FBXO34: variants seen among roughly 807,000 people sequenced by gnomAD.
FBXO34 encodes F-box protein 34, also known as F-box only protein 34.
In FBXO34, 12 loss-of-function variants were observed where a neutral mutation model predicts 24.5. That is an observed-to-expected ratio of 0.49 (90% confidence interval 0.31 to 0.79). The LOEUF is 0.79. FBXO34 is among the 30% of genes least tolerant of loss of function. The pLI is 0.04. For synonymous variants in FBXO34, 320 were observed against 311.9 expected, an observed-to-expected ratio of 1.03 and a Z score of -0.27; for missense variants, 823 against 857.7, an observed-to-expected ratio of 0.96 and a Z score of 0.51.
rs376527960 is a variant in FBXO34 at position 55,279,210 on chromosome 14, C to T, written c.-11+7673C>T. The stretch of plus-strand genomic sequence containing the variant: ...GCTGAGGCAGAGAATTGCTTGAACC[C>T]GGGAGACGGAGGCTGCAGTGAGCTG... On this transcript the variant is annotated intron_variant, in intron 1 of 1. Coordinates refer to ENST00000313833, the MANE Select transcript of FBXO34 (RefSeq NM_017943.4). 1.7e-4 allele frequency among the ~76,000 whole-genome samples: 26 copies of T among 150,498 alleles called. No homozygotes were observed. In the East Asian group the frequency reaches 3.1e-3, roughly 18 times the overall value.
chr14:55,433,777 G>A, the FBXO34 span: 1 of 1,508,978 alleles, frequency 6.6e-7, no homozygotes, highest in South Asian at 1.2e-5. Context: ...CATTATCCCA[G>A]TTGAAAAAGC....
In FBXO34 at chr14:55,351,634, C is replaced by G; in HGVS notation, c.1244C>G (p.Pro415Arg). 2 of 1,614,134 alleles carry G rather than the reference C, an allele frequency of 1.2e-6. No homozygotes were observed. The highest frequency in any genetic ancestry group is 1.7e-6 in the Non-Finnish European group (2 of 1,180,024). The change falls in exon 2 of 2, where the codon CCT becomes CGT. Residue 415 changes from proline to arginine, a missense_variant. Physicochemically the swap from Pro to Arg is moderately radical, Grantham distance 103. Transcript: ENST00000313833. ...VEMTDELVGL[P>R]FSSHTYSQAS... The stretch of plus-strand genomic sequence containing the variant: ...ATGACAGATGAACTCGTTGGGTTAC[C>G]TTTTTCCTCTCATACCTATTCCCAA...
At chr14:55,286,446 G>A (rs777533461) in intron 1 of FBXO34, among the ~76,000 whole-genome samples, 4 of 152,068 alleles carry the variant, frequency 2.6e-5, no homozygotes, top group Non-Finnish European at 5.9e-5. Flanking sequence ...TTATTTCCTT[G>A]TGCATTGTAT....
At chr14:55,438,029 G>A in the FBXO34 span, among the ~76,000 whole-genome samples, 1 of 152,158 alleles carries the variant, frequency 6.6e-6, no homozygotes, top group African/African-American at 2.4e-5. Context: ...AAAATTCATG[G>A]ACTTTATTAT....
chr14:55,323,248 T>TTTTTTTA (rs1480368099), intron 1 of FBXO34, among the ~76,000 whole-genome samples: 2 of 87,784 alleles, frequency 2.3e-5, no homozygotes, highest in African/African-American at 7.5e-5. Context: ...TTTTTTTTTT[T>TTTTTTTA]AGAGACAGAG....
At chr14:55,277,041 G>A (rs1357316501) in intron 1 of FBXO34, among the ~76,000 whole-genome samples, 7 of 152,314 alleles carry the variant, frequency 4.6e-5, no homozygotes, top group Non-Finnish European at 1.0e-4. Context: ...CAAATCTTAT[G>A]TATACCATTC....
At chr14:55,287,462 A>G (rs1256069800) in intron 1 of FBXO34, among the ~76,000 whole-genome samples, 2 of 152,234 alleles carry the variant, frequency 1.3e-5, no homozygotes, top group East Asian at 3.8e-4. Context: ...AGTAAAAAGT[A>G]TGACATACCA....
chr14:55,386,000 T>C, the FBXO34 span: 1 of 1,614,196 alleles, frequency 6.2e-7, no homozygotes, highest in South Asian at 1.1e-5. Flanking sequence ...AAGTTTGCGA[T>C]TATGCCTCTG....
chr14:55,330,239 T>C (rs558972781), intron 1 of FBXO34, among the ~76,000 whole-genome samples: 1 of 152,188 alleles, frequency 6.6e-6, no homozygotes, highest in Non-Finnish European at 1.5e-5. Context: ...TTTTTTTGTC[T>C]CCGTAAGTGT....
rs1491370677 is a variant in FBXO34 at position 55,323,226 on chromosome 14, T to TATATATATATATA, written c.-10-27155_-10-27154insATATATATATATA. Among the ~76,000 whole-genome samples the TATATATATATATA allele has an allele frequency of 2.9e-4, 6 of 20,530 alleles. 1 individual carries two copies. The African/African-American group carries it at 4.3e-3, about 15-fold the overall frequency. 13.5% of individuals were successfully genotyped at this position (20,530 alleles called of 152,430 possible). ...AAAAAAAAAAAAAAAAAAATATATATTTTTTTTTTTTTTTTTTTTTTTAGA... is the reference window on the plus strand; with the variant it reads ...AAAAAAAAAAAAAAAAAAATATATATATATATATATATATTTTTTTTTTTTTTTTTTTTTTAGA... On this transcript the variant is annotated intron_variant, in intron 1 of 1. Transcript: ENST00000313833.
the FBXO34 span, among the ~76,000 whole-genome samples, chr14:55,424,826 G>A: frequency 6.6e-6 from 1 of 152,106 alleles, no homozygotes; most frequent in Non-Finnish European, 1.5e-5. Flanking sequence ...CTAAATATAA[G>A]CTGGCCACTC....
At chr14:55,428,561 G>A in the FBXO34 span, among the ~76,000 whole-genome samples, 1 of 152,138 alleles carries the variant, frequency 6.6e-6, no homozygotes, top group East Asian at 1.9e-4. Flanking sequence ...CCCAGCCAGA[G>A]ATGTGTGCTT....
intron 1 of FBXO34, among the ~76,000 whole-genome samples, chr14:55,283,457 C>G (rs1482821066): frequency 6.7e-6 from 1 of 148,488 alleles, no homozygotes; most frequent in Non-Finnish European, 1.5e-5. Flanking sequence ...AGAATTTATT[C>G]TTTTTTTCTT....
At chr14:55,389,301 G>C in the FBXO34 span, among the ~76,000 whole-genome samples, 5 of 152,346 alleles carry the variant, frequency 3.3e-5, no homozygotes, top group African/African-American at 1.2e-4. Flanking sequence ...GTAAGACGGG[G>C]AGAGCATGAA....
chr14:55,382,617 C>CA, the FBXO34 span, among the ~76,000 whole-genome samples: 2 of 152,138 alleles, frequency 1.3e-5, no homozygotes, highest in Non-Finnish European at 2.9e-5. Context: ...AGCCAAAGTG[C>CA]AAATATTTCA....
chr14:55,428,154 G>C, the FBXO34 span, among the ~76,000 whole-genome samples: 1 of 43,392 alleles, frequency 2.3e-5, no homozygotes, highest in Non-Finnish European at 5.6e-5. Context: ...TTTTGAGACG[G>C]AGTCTCGCTC....
rs532639533 is a variant in FBXO34 at position 55,289,692 on chromosome 14, C to T, written c.-11+18155C>T. On this transcript the variant is annotated intron_variant, in intron 1 of 1. Transcript: ENST00000313833. Reference sequence around the variant, plus strand: ...TTGGGAATACAGGCATGCACCACTACGTCCAGCTAGTTTTATTTATTTATT... The same window carrying T: ...TTGGGAATACAGGCATGCACCACTATGTCCAGCTAGTTTTATTTATTTATT... Among the ~76,000 whole-genome samples, 6 of 152,184 alleles carry T rather than the reference C, an allele frequency of 3.9e-5. No individual in the cohort carries two copies. The South Asian group carries it at 1.0e-3, about 26-fold the overall frequency.
At chr14:55,325,034 A>G (rs2140033335) in intron 1 of FBXO34, among the ~76,000 whole-genome samples, 1 of 152,304 alleles carries the variant, frequency 6.6e-6, no homozygotes. Flanking sequence ...CTTATGACCC[A>G]GTTGTCTCCC....
the FBXO34 span, among the ~76,000 whole-genome samples, chr14:55,384,806 G>A: frequency 2.0e-5 from 3 of 152,236 alleles, no homozygotes; most frequent in Admixed American, 6.5e-5. Context: ...GAGCAGCCTG[G>A]TGGCTTGTGG....
Sources: allele counts gnomAD v4.1 joint callset (sites outside exome capture counted in the v4.1 genomes callset), GRCh38; gene constraint gnomAD v4.1.1; transcripts MANE v1.5; gene names NCBI Gene and HGNC (gene_info 2026-07-23, HGNC 2026-07-21).